The following APBB2 variants were observed in gnomAD, a reference collection of about 807,000 sequenced individuals.
The protein encoded by APBB2 is amyloid beta precursor protein binding family B member 2.
APBB2 carries 38 observed loss-of-function variants against 82.5 expected under a neutral mutation model. The ratio of observed to expected loss-of-function variants is 0.46; its 90% CI spans 0.36 to 0.60. APBB2 has a LOEUF of 0.60. APBB2 is among the 20% of genes least tolerant of loss of function. APBB2 has a pLI of 0.00. For missense variants in APBB2, 772 were observed against 972.3 expected, an observed-to-expected ratio of 0.79 and a Z score of 2.74; for synonymous variants, 341 against 368.2, an observed-to-expected ratio of 0.93 and a Z score of 0.85.
At chr4:41,042,222 C>G (rs1288236831) in intron 4 of APBB2, among the ~76,000 whole-genome samples, 1 of 152,188 alleles carries the variant, frequency 6.6e-6, no homozygotes, top group African/African-American at 2.4e-5. Flanking sequence ...ATCTCCTGAT[C>G]TCATGATCTG....
At chr4:41,064,779 C>G (rs1373126466) in intron 4 of APBB2, among the ~76,000 whole-genome samples, 1 of 152,130 alleles carries the variant, frequency 6.6e-6, no homozygotes, top group East Asian at 1.9e-4. Context: ...TTGGAGAAGG[C>G]TAAGAAGTAA....
chr4:41,207,198 CAAAAAAAA>C (rs368548129), intron 1 of APBB2, among the ~76,000 whole-genome samples: 18 of 67,346 alleles, frequency 2.7e-4, no homozygotes, highest in African/African-American at 1.1e-3. Context: ...GACTCCGTCT[CAAAAAAAA>C]AAAAAAAAAA....
intron 10 of APBB2, among the ~76,000 whole-genome samples, chr4:40,920,750 A>C (rs1180788762): frequency 1.3e-5 from 2 of 152,204 alleles, no homozygotes; most frequent in Non-Finnish European, 2.9e-5. Flanking sequence ...ATGCACCTGT[A>C]ATCCCAGCTA....
intron 4 of APBB2, among the ~76,000 whole-genome samples, chr4:41,043,777 A>G (rs1722381238): frequency 6.6e-6 from 1 of 152,300 alleles, no homozygotes; most frequent in Admixed American, 6.5e-5. Flanking sequence ...GTCTATTTTT[A>G]AAATTTTGAT....
chr4:41,046,046 G>T (rs142718919), intron 4 of APBB2, among the ~76,000 whole-genome samples: 1 of 152,106 alleles, frequency 6.6e-6, no homozygotes, highest in East Asian at 1.9e-4. Context: ...TGTATATGAA[G>T]CTGGGTATAT....
chr4:41,062,306 G>A (rs1337171746), intron 4 of APBB2, among the ~76,000 whole-genome samples: 2 of 151,574 alleles, frequency 1.3e-5, no homozygotes, highest in Non-Finnish European at 2.9e-5. Flanking sequence ...TCTCGTAGCT[G>A]GCATTACAGG....
chr4:41,069,500 A>G (rs1367467554), intron 3 of APBB2, among the ~76,000 whole-genome samples: 1 of 152,198 alleles, frequency 6.6e-6, no homozygotes, highest in Non-Finnish European at 1.5e-5. Flanking sequence ...CGGTTTGTCT[A>G]TTCTGTTAAC....
chr4:40,859,802 T>G (rs1257461682), intron 12 of APBB2, among the ~76,000 whole-genome samples: 1 of 152,088 alleles, frequency 6.6e-6, no homozygotes. Context: ...TCTGCTCCAG[T>G]CCCCTTTTCT....
intron 3 of APBB2, among the ~76,000 whole-genome samples, chr4:41,095,592 G>A (rs930010036): frequency 9.9e-5 from 15 of 152,170 alleles, no homozygotes; most frequent in Admixed American, 9.2e-4. Context: ...AAAGCAAGTA[G>A]ATCATCCCAT....
chr4:40,873,426 G>A (rs1458074029), intron 12 of APBB2, among the ~76,000 whole-genome samples: 1 of 152,118 alleles, frequency 6.6e-6, no homozygotes, highest in Non-Finnish European at 1.5e-5. Flanking sequence ...AACTTCTACA[G>A]CTTCTCTTAC....
At chr4:41,062,241 T>C (rs1041586233) in intron 4 of APBB2, among the ~76,000 whole-genome samples, 3 of 152,106 alleles carry the variant, frequency 2.0e-5, no homozygotes, top group African/African-American at 7.2e-5. Flanking sequence ...GCCACAATCC[T>C]GGCTCACTGC....
chr4:40,982,221 G>GGAAA (rs1553893376), intron 6 of APBB2, among the ~76,000 whole-genome samples: 24 of 12,902 alleles, frequency 1.9e-3, no homozygotes, highest in South Asian at 6.6e-3. Context: ...AGAAAAGAAA[G>GGAAA]GAAAGAAAGA....
At chr4:41,066,808 TTATCCTGGG>T (rs1732033470) in intron 3 of APBB2, among the ~76,000 whole-genome samples, 1 of 152,148 alleles carries the variant, frequency 6.6e-6, no homozygotes, top group African/African-American at 2.4e-5. Context: ...AACTCTGACT[TTATCCTGGG>T]TGTAAACAGC....
intron 12 of APBB2, among the ~76,000 whole-genome samples, chr4:40,850,765 G>C (rs1474895054): frequency 6.6e-6 from 1 of 152,060 alleles, no homozygotes; most frequent in Admixed American, 6.5e-5. Flanking sequence ...AACACAGTGA[G>C]ACCTCAGCTC....
At chr4:41,188,694 G>A (rs1773602586) in intron 1 of APBB2, among the ~76,000 whole-genome samples, 1 of 152,186 alleles carries the variant, frequency 6.6e-6, no homozygotes, top group African/African-American at 2.4e-5. Context: ...AGTGCCTGTG[G>A]GTGTGGGGAT....
intron 12 of APBB2, among the ~76,000 whole-genome samples, chr4:40,857,367 T>C (rs897794759): frequency 1.3e-5 from 2 of 152,256 alleles, no homozygotes; most frequent in African/African-American, 4.8e-5. Context: ...TCCCTTCCTG[T>C]AACGAACGTT....
intron 3 of APBB2, among the ~76,000 whole-genome samples, chr4:41,090,651 TATTTA>T (rs1176841799): frequency 6.6e-6 from 1 of 152,210 alleles, no homozygotes; most frequent in Non-Finnish European, 1.5e-5. Flanking sequence ...GTAGGGTGGT[TATTTA>T]ATTTATGATC....
At chr4:41,090,346 TC>T (rs1579948509) in intron 3 of APBB2, among the ~76,000 whole-genome samples, 2 of 152,208 alleles carry the variant, frequency 1.3e-5, no homozygotes, top group African/African-American at 2.4e-5. Context: ...GATGCTAGAT[TC>T]CCTAAACACT....
At chr4:41,039,421 C>T (rs1006075202) in intron 4 of APBB2, among the ~76,000 whole-genome samples, 3 of 152,196 alleles carry the variant, frequency 2.0e-5, no homozygotes, top group African/African-American at 7.2e-5. Context: ...TGAACCAATA[C>T]TTAATGTCTG....
Sources: gnomAD v4.1 joint callset for allele counts (sites outside exome capture counted in the v4.1 genomes callset) on GRCh38, gnomAD v4.1.1 for gene constraint, MANE v1.5 for transcripts, NCBI Gene and HGNC (gene_info 2026-07-23, HGNC 2026-07-21) for gene names.